The following PGCKA1 variants were observed in gnomAD, a reference collection of about 807,000 sequenced individuals.
PGCKA1 encodes PDCD10 and GCKIII kinases associated 1, also known as PDCD10 and GCKIII kinases-associated protein 1.
At chr4:37,568,855 C>T in the PGCKA1 span, among the ~76,000 whole-genome samples, 10 of 152,282 alleles carry the variant, frequency 6.6e-5, no homozygotes, top group African/African-American at 2.2e-4. Context: ...TTCACAAACT[C>T]GTTTTGCAGA....
At chr4:37,502,253 C>T in the PGCKA1 span, among the ~76,000 whole-genome samples, 632 of 152,336 alleles carry the variant, frequency 4.1e-3, 2 homozygotes, top group Admixed American at 7.9e-3. Flanking sequence ...GCATGCCTGT[C>T]GCTATGGTAG....
chr4:37,563,670 C>A, the PGCKA1 span, among the ~76,000 whole-genome samples: 14 of 152,164 alleles, frequency 9.2e-5, no homozygotes, highest in Admixed American at 5.2e-4. Flanking sequence ...CTAGTTTATT[C>A]CAAGCAGGTG....
At chr4:37,524,693 A>G in the PGCKA1 span, among the ~76,000 whole-genome samples, 1 of 152,212 alleles carries the variant, frequency 6.6e-6, no homozygotes, top group Non-Finnish European at 1.5e-5. Context: ...AAGAGTGGTT[A>G]TTAGGTGATA....
the PGCKA1 span, among the ~76,000 whole-genome samples, chr4:37,592,033 C>T: frequency 2.6e-3 from 399 of 151,936 alleles, no homozygotes; most frequent in Non-Finnish European, 3.9e-3. Flanking sequence ...ATAGTGAAAC[C>T]CTGTCTCTAC....
chr4:37,464,983 A>C, the PGCKA1 span, among the ~76,000 whole-genome samples: 2 of 152,208 alleles, frequency 1.3e-5, no homozygotes, highest in African/African-American at 4.8e-5. Context: ...AGACTAAAGA[A>C]AACTGTAAAA....
the PGCKA1 span, among the ~76,000 whole-genome samples, chr4:37,498,177 A>G: frequency 2.6e-5 from 4 of 152,176 alleles, no homozygotes; most frequent in African/African-American, 9.6e-5. Flanking sequence ...TCCTTTCCCC[A>G]TTTTATGTTT....
chr4:37,453,732 C>T, the PGCKA1 span, among the ~76,000 whole-genome samples: 22 of 152,284 alleles, frequency 1.4e-4, no homozygotes, highest in African/African-American at 5.3e-4. Context: ...GGATTTTCTG[C>T]TTCAGTGCGC....
At chr4:37,560,417 C>A in the PGCKA1 span, among the ~76,000 whole-genome samples, 1 of 152,180 alleles carries the variant, frequency 6.6e-6, no homozygotes, top group South Asian at 2.1e-4. Context: ...AGGGTAGTAA[C>A]CCACATTCTA....
the PGCKA1 span, among the ~76,000 whole-genome samples, chr4:37,463,945 G>A: frequency 4.3e-4 from 65 of 152,114 alleles, no homozygotes; most frequent in African/African-American, 1.4e-3. Context: ...AAGAATCCAC[G>A]GCTGGAGCAC....
the PGCKA1 span, among the ~76,000 whole-genome samples, chr4:37,512,515 A>C: frequency 7.0e-6 from 1 of 143,490 alleles, no homozygotes; most frequent in Non-Finnish European, 1.5e-5. Context: ...GGAGTGCAGT[A>C]GCGTGATCTT....
At chr4:37,509,252 G>A in the PGCKA1 span, among the ~76,000 whole-genome samples, 4 of 134,424 alleles carry the variant, frequency 3.0e-5, no homozygotes, top group Admixed American at 7.3e-5. Flanking sequence ...CAGAAGGGGT[G>A]GCCAGGCAGA....
chr4:37,577,475 G>A, the PGCKA1 span, among the ~76,000 whole-genome samples: 1 of 151,342 alleles, frequency 6.6e-6, no homozygotes, highest in Non-Finnish European at 1.5e-5. Context: ...TTCTTAGTCT[G>A]GCTAAAGGTT....
At chr4:37,588,686 G>T in the PGCKA1 span, 1 of 569,028 alleles carries the variant, frequency 1.8e-6, no homozygotes, top group Admixed American at 3.0e-5. Flanking sequence ...GGTATTCCTG[G>T]TAACCAGCAC....
the PGCKA1 span, among the ~76,000 whole-genome samples, chr4:37,458,269 T>C: frequency 6.6e-6 from 1 of 152,186 alleles, no homozygotes; most frequent in African/African-American, 2.4e-5. Context: ...AAAGCACAAA[T>C]GTTAGTACTA....
At chr4:37,468,213 A>C in the PGCKA1 span, among the ~76,000 whole-genome samples, 1 of 152,196 alleles carries the variant, frequency 6.6e-6, no homozygotes, top group Non-Finnish European at 1.5e-5. Flanking sequence ...TCCTTTTCAC[A>C]CAGTGTGTCT....
chr4:37,552,669 C>T, the PGCKA1 span, among the ~76,000 whole-genome samples: 1 of 152,200 alleles, frequency 6.6e-6, no homozygotes, highest in African/African-American at 2.4e-5. Context: ...TTTGATGCCA[C>T]CACACGCCAG....
the PGCKA1 span, among the ~76,000 whole-genome samples, chr4:37,567,465 G>A: frequency 2.2e-3 from 328 of 152,260 alleles, no homozygotes; most frequent in African/African-American, 7.5e-3. Flanking sequence ...TGCAGATTAG[G>A]CCACTGAAAC....
At chr4:37,469,953 A>C in the PGCKA1 span, among the ~76,000 whole-genome samples, 3 of 152,206 alleles carry the variant, frequency 2.0e-5, no homozygotes. Context: ...AAGCATTTTT[A>C]TGCCAATACT....
chr4:37,505,765 G>A, the PGCKA1 span, among the ~76,000 whole-genome samples: 1 of 152,124 alleles, frequency 6.6e-6, no homozygotes, highest in African/African-American at 2.4e-5. Context: ...ACAACACATG[G>A]GAATTAAAGA....
Sources: allele counts gnomAD v4.1 joint callset (sites outside exome capture counted in the v4.1 genomes callset), GRCh38; gene constraint gnomAD v4.1.1; transcripts MANE v1.5; gene names NCBI Gene and HGNC (gene_info 2026-07-23, HGNC 2026-07-21).